Variants in RPS6KA2 observed in about 807,000 individuals in gnomAD.
RPS6KA2 encodes the protein ribosomal protein S6 kinase A2.
A neutral mutation model predicts 91.8 loss-of-function variants in RPS6KA2; 42 were observed. The observed-to-expected ratio is 0.46, with a 90% CI of 0.36 to 0.59. RPS6KA2 has a LOEUF of 0.59. Among genes scored for constraint, RPS6KA2 ranks in the 20% least tolerant of loss-of-function variants. RPS6KA2 has a pLI of 0.00. For missense variants in RPS6KA2, 798 were observed against 978.5 expected, an observed-to-expected ratio of 0.82 and a Z score of 2.46; for synonymous variants, 414 against 393.6, an observed-to-expected ratio of 1.05 and a Z score of -0.61.
intron 2 of RPS6KA2, among the ~76,000 whole-genome samples, chr6:166,670,349 C>T (rs535044864): frequency 3.9e-5 from 6 of 152,342 alleles, no homozygotes; most frequent in African/African-American, 1.2e-4. Context: ...AGACCACAGC[C>T]CTGCCTGACA....
At chr6:166,703,029 A>C (rs1277402529) in intron 2 of RPS6KA2, among the ~76,000 whole-genome samples, 1 of 152,154 alleles carries the variant, frequency 6.6e-6, no homozygotes, top group Admixed American at 6.5e-5. Context: ...CCTTGTCTAG[A>C]TATGTTTTAA....
At chr6:166,722,250 C>T (rs1303869639) in intron 2 of RPS6KA2, among the ~76,000 whole-genome samples, 1 of 152,136 alleles carries the variant, frequency 6.6e-6, no homozygotes. Context: ...CAATTCAAAA[C>T]CATGCTGGAA....
intron 2 of RPS6KA2, among the ~76,000 whole-genome samples, chr6:166,762,460 G>A (rs1300183413): frequency 9.2e-5 from 14 of 152,176 alleles, no homozygotes; most frequent in African/African-American, 2.7e-4. Context: ...GGCACCTGGC[G>A]TAGTCCCTGG....
At chr6:166,506,303 C>T (rs970569909) in intron 5 of RPS6KA2, among the ~76,000 whole-genome samples, 3 of 152,334 alleles carry the variant, frequency 2.0e-5, no homozygotes, top group East Asian at 1.9e-4. Context: ...CACATTCCCA[C>T]GTGGGGAGCT....
chr6:166,427,950 C>A (rs1246034566), intron 16 of RPS6KA2, among the ~76,000 whole-genome samples: 1 of 150,614 alleles, frequency 6.6e-6, no homozygotes, highest in African/African-American at 2.5e-5. Flanking sequence ...GAAAAAACTA[C>A]TTTAAAGTTC....
At chr6:166,430,324 CGAT>C in intron 16 of RPS6KA2, 126 bp downstream of exon 16, 1 of 859,978 alleles carries the variant, frequency 1.2e-6, no homozygotes, top group Non-Finnish European at 1.8e-6. Flanking sequence ...ACAAGAGAGA[CGAT>C]GGTGGCACGG....
At chr6:166,693,253 T>A (rs1789261349) in intron 2 of RPS6KA2, among the ~76,000 whole-genome samples, 1 of 152,240 alleles carries the variant, frequency 6.6e-6, no homozygotes, top group South Asian at 2.1e-4. Flanking sequence ...TATCACTGCC[T>A]GTGAAATCCA....
In RPS6KA2 at chr6:166,483,234, C is replaced by A. The variant is rs1285168513; in HGVS notation, c.907+5599G>T. 2.0e-5 allele frequency among the ~76,000 whole-genome samples: 3 copies of A among 152,216 alleles called. No individual in the cohort carries two copies. In the East Asian group the frequency reaches 5.8e-4, roughly 29 times the overall value. On this transcript the variant is annotated intron_variant, in intron 10 of 20. Coordinates refer to ENST00000265678, the MANE Select transcript of RPS6KA2 (RefSeq NM_021135.6). ...GGAAGGAACTGCAGGGACCATCAAC[C>A]CCACCTTCATTTCCCAGAGAAAAGG...
intron 2 of RPS6KA2, chr6:166,757,522 C>G (rs1778049568): frequency 6.6e-6 from 3 of 456,170 alleles, no homozygotes; most frequent in Non-Finnish European, 1.3e-5. Context: ...CGAGCCCTCC[C>G]TTACCTTTCT....
intron 10 of RPS6KA2, among the ~76,000 whole-genome samples, chr6:166,480,946 AT>A (rs1173709098): frequency 2.6e-5 from 4 of 152,192 alleles, no homozygotes; most frequent in African/African-American, 7.2e-5. Flanking sequence ...CCAATTTTAT[AT>A]ACATATCTTT....
chr6:166,630,125 G>A (rs1225010677), upstream of RPS6KA2, among the ~76,000 whole-genome samples: 1 of 152,220 alleles, frequency 6.6e-6, no homozygotes, highest in African/African-American at 2.4e-5. Context: ...ACAGACAAGA[G>A]GAGGCGGGAG....
At chr6:166,718,630 A>C (rs1790087714) in intron 2 of RPS6KA2, among the ~76,000 whole-genome samples, 1 of 152,230 alleles carries the variant, frequency 6.6e-6, no homozygotes, top group South Asian at 2.1e-4. Context: ...GCCCCCAAAC[A>C]TGAATTAATG....
chr6:166,521,279 T>C (rs1244351925), intron 3 of RPS6KA2, among the ~76,000 whole-genome samples: 1 of 152,180 alleles, frequency 6.6e-6, no homozygotes, highest in Non-Finnish European at 1.5e-5. Flanking sequence ...CCCAAAGCTG[T>C]GGGAGGCCAC....
At chr6:166,686,520 G>A (rs1164620629) in intron 2 of RPS6KA2, among the ~76,000 whole-genome samples, 2 of 152,222 alleles carry the variant, frequency 1.3e-5, no homozygotes, top group African/African-American at 4.8e-5. Flanking sequence ...CCAAGGCCAT[G>A]TGGCTTCTGC....
At position 166,451,176 on chromosome 6, in the gene RPS6KA2, A is replaced by G. The variant is rs1335867515; in HGVS notation, c.1133T>C (p.Phe378Ser). The G allele has an allele frequency of 1.9e-6, 3 of 1,613,922 alleles. No homozygotes were observed. Among genetic ancestry groups the G allele is most frequent in the Non-Finnish European group, 1.7e-6 (2 of 1,179,992 alleles). The change falls in exon 13 of 21, where the codon TTT (phenylalanine) becomes TCT (serine). Residue 378 changes from phenylalanine (F) to serine (S), a missense_variant. Coordinates refer to ENST00000265678, the MANE Select transcript of RPS6KA2 (RefSeq NM_021135.6). ...CTCCTGGATCAGGCTTGAGGCCACAAAGCTGAATCCTCTAAACAGGTGATG... is the reference window on the plus strand; with the variant it reads ...CTCCTGGATCAGGCTTGAGGCCACAGAGCTGAATCCTCTAAACAGGTGATG... ...NAHHLFRGFSFVASSLIQEPS... is the reference protein window; with the variant it reads ...NAHHLFRGFSSVASSLIQEPS...
chr6:166,669,142 C>G (rs1257616648), intron 2 of RPS6KA2, among the ~76,000 whole-genome samples: 1 of 152,156 alleles, frequency 6.6e-6, no homozygotes, highest in African/African-American at 2.4e-5. Context: ...GATCCGCCCA[C>G]TTCAGCCTCC....
rs1246247932 is a variant in RPS6KA2 at position 166,415,504 on chromosome 6, G to A, written c.1939-1573C>T. ...GGGGGATGTGGTGGTGGTAGGGACTGGTGGTGAAGGGCAGGAAGGGTTGGT... is the reference window on the plus strand; with the variant it reads ...GGGGGATGTGGTGGTGGTAGGGACTAGTGGTGAAGGGCAGGAAGGGTTGGT... On this transcript the variant is annotated intron_variant, in intron 19 of 20. Coordinates refer to ENST00000265678, the MANE Select transcript of RPS6KA2 (RefSeq NM_021135.6). Among the ~76,000 whole-genome samples the A allele has an allele frequency of 2.0e-5, 3 of 152,188 alleles. No individual in the cohort carries two copies. In the East Asian group the frequency reaches 5.8e-4, roughly 29 times the overall value.
Position 166,737,912 on chromosome 6 carries a change from A to T in RPS6KA2, c.123+120288T>A, listed in dbSNP as rs1790713027. On this transcript the variant is annotated intron_variant, in intron 2 of 21. Coordinates refer to the RPS6KA2 transcript ENST00000503859. The surrounding 1 kb of genome is among the most constrained non-coding windows in gnomAD (Gnocchi z 4.3). ...TCTCATTGTGAAAGAAATAAAACAT[A>T]CAGAAAAGTATACAAAGTAAAATAA... Among the ~76,000 whole-genome samples, 1 of 152,270 alleles carries T rather than the reference A, an allele frequency of 6.6e-6. No homozygotes were observed. Among genetic ancestry groups the T allele is most frequent in the South Asian group, 2.1e-4 (1 of 4,838 alleles).
intron 2 of RPS6KA2, among the ~76,000 whole-genome samples, chr6:166,691,542 C>A (rs915839449): frequency 6.6e-6 from 1 of 152,136 alleles, no homozygotes; most frequent in Non-Finnish European, 1.5e-5. Flanking sequence ...TGTGCTCAGC[C>A]CGGGCCTCCC....
Sources: gnomAD v4.1 joint callset for allele counts (sites outside exome capture counted in the v4.1 genomes callset) on GRCh38, gnomAD v4.1.1 for gene constraint, Gnocchi (gnomAD v3.1) non-coding constraint, MANE v1.5 for transcripts, NCBI Gene and HGNC (gene_info 2026-07-23, HGNC 2026-07-21) for gene names.